The following GAS2 variants were observed in gnomAD, a reference collection of about 807,000 sequenced individuals.
The protein encoded by GAS2 is growth arrest specific 2, also known as growth arrest-specific protein 2.
A neutral mutation model predicts 37.5 loss-of-function variants in GAS2; 20 were observed. That is an observed-to-expected ratio of 0.53 (90% confidence interval 0.37 to 0.77). The LOEUF is 0.77. Ranked by LOEUF, GAS2 falls within the 30% of genes least tolerant of loss-of-function variation. The pLI is 0.00. For synonymous variants in GAS2, 144 were observed against 132.2 expected (o/e 1.09, Z -0.61); for missense variants, 336 against 373.4 (o/e 0.90, Z 0.82).
chr11:22,646,857 CA>C (rs1458886478), intron 1 of GAS2, among the ~76,000 whole-genome samples: 3 of 151,664 alleles, frequency 2.0e-5, no homozygotes, highest in Non-Finnish European at 4.4e-5. Flanking sequence ...CTTTTCTTCT[CA>C]TTTGTGCTTG....
At chr11:22,799,299 G>C (rs1856560697) in intron 7 of GAS2, among the ~76,000 whole-genome samples, 1 of 152,014 alleles carries the variant, frequency 6.6e-6, no homozygotes, top group Admixed American at 6.6e-5. Flanking sequence ...AGCATTAAAA[G>C]ACAGAAAAGG....
intron 7 of GAS2, among the ~76,000 whole-genome samples, chr11:22,807,551 C>T (rs1456003972): frequency 6.6e-6 from 1 of 152,172 alleles, no homozygotes; most frequent in African/African-American, 2.4e-5. Flanking sequence ...AAACACCTCT[C>T]CAGTTACTGC....
intron 3 of GAS2, 97 bp from the exon 4 acceptor site, chr11:22,726,195 A>T (rs1382052092): frequency 8.3e-7 from 1 of 1,198,148 alleles, no homozygotes; most frequent in Non-Finnish European, 1.2e-6. Context: ...TATTGGCATG[A>T]GGTAATTCCG....
At chr11:22,660,794 C>T (rs1426557262) in intron 1 of GAS2, among the ~76,000 whole-genome samples, 1 of 152,172 alleles carries the variant, frequency 6.6e-6, no homozygotes, top group Non-Finnish European at 1.5e-5. Flanking sequence ...GGCAATATTC[C>T]TTTATGCTAA....
At chr11:22,776,718 A>G (rs1855279453) in intron 7 of GAS2, among the ~76,000 whole-genome samples, 1 of 152,198 alleles carries the variant, frequency 6.6e-6, no homozygotes, top group Admixed American at 6.5e-5. Context: ...GTTGCCCTGT[A>G]GTTGAAGAGA....
intron 7 of GAS2, among the ~76,000 whole-genome samples, chr11:22,757,734 A>G (rs1205785380): frequency 2.0e-5 from 3 of 152,210 alleles, no homozygotes; most frequent in Non-Finnish European, 4.4e-5. Flanking sequence ...TTTAGCAAAG[A>G]TAAATTTCTG....
chr11:22,674,288 G>A (rs112965055), intron 1 of GAS2, among the ~76,000 whole-genome samples: 3 of 151,786 alleles, frequency 2.0e-5, no homozygotes, highest in Non-Finnish European at 2.9e-5. Context: ...GTCTTTGGGT[G>A]TACCTCTTCC....
intron 1 of GAS2, among the ~76,000 whole-genome samples, chr11:22,631,568 A>G (rs1858745401): frequency 1.3e-5 from 2 of 152,166 alleles, no homozygotes; most frequent in African/African-American, 2.4e-5. Context: ...ATCTGCATCT[A>G]TTGAGATAAT....
chr11:22,751,660 G>A (rs773441453), intron 6 of GAS2, among the ~76,000 whole-genome samples: 1 of 152,004 alleles, frequency 6.6e-6, no homozygotes, highest in Non-Finnish European at 1.5e-5. Context: ...GCCACTTGAA[G>A]CTATTTCTGT....
intron 7 of GAS2, among the ~76,000 whole-genome samples, chr11:22,763,116 T>A (rs1341064870): frequency 2.0e-5 from 3 of 152,166 alleles, no homozygotes; most frequent in African/African-American, 7.2e-5. Flanking sequence ...AGCAAAGGGA[T>A]TTGAAATGTT....
chr11:22,735,087 C>G (rs917909116), intron 4 of GAS2, among the ~76,000 whole-genome samples: 1 of 151,752 alleles, frequency 6.6e-6, no homozygotes, highest in Non-Finnish European at 1.5e-5. Context: ...ACCACCACCA[C>G]ATAACCACAT....
chr11:22,781,429 A>G (rs1299021277), intron 7 of GAS2, among the ~76,000 whole-genome samples: 1 of 152,162 alleles, frequency 6.6e-6, no homozygotes, highest in Non-Finnish European at 1.5e-5. Context: ...TGCAGCTGCC[A>G]CTCAGCCTGA....
chr11:22,751,483 C>T (rs1461011310), intron 6 of GAS2, among the ~76,000 whole-genome samples: 1 of 151,724 alleles, frequency 6.6e-6, no homozygotes, highest in East Asian at 1.9e-4. Flanking sequence ...AGACAAAGAC[C>T]ATATTTTATC....
chr11:22,705,015 T>C (rs577251838), intron 3 of GAS2, among the ~76,000 whole-genome samples: 1 of 152,282 alleles, frequency 6.6e-6, no homozygotes, highest in Admixed American at 6.5e-5. Flanking sequence ...GCTTTTTACA[T>C]GTATTAAATC....
At chr11:22,676,988 T>C (rs1198088383) in intron 2 of GAS2, among the ~76,000 whole-genome samples, 1 of 152,162 alleles carries the variant, frequency 6.6e-6, no homozygotes, top group East Asian at 1.9e-4. Flanking sequence ...AAGCAGTAAA[T>C]AATAACTATT....
At chr11:22,627,679 G>A (rs896393799) in intron 1 of GAS2, among the ~76,000 whole-genome samples, 2 of 151,718 alleles carry the variant, frequency 1.3e-5, no homozygotes, top group African/African-American at 4.8e-5. Context: ...GGAGGTTAAG[G>A]CAGGAGAATA....
intron 3 of GAS2, among the ~76,000 whole-genome samples, chr11:22,704,298 C>A (rs1007225764): frequency 6.6e-6 from 1 of 151,586 alleles, no homozygotes; most frequent in East Asian, 1.9e-4. Flanking sequence ...ATAAAGGGAA[C>A]CAATTTTATT....
chr11:22,766,917 G>A (rs578114767), intron 7 of GAS2, among the ~76,000 whole-genome samples: 5 of 152,072 alleles, frequency 3.3e-5, no homozygotes, highest in African/African-American at 1.2e-4. Flanking sequence ...TTTGCATTTT[G>A]TATCATTTTT....
rs764398009 is a variant in GAS2 at position 22,775,654 on chromosome 11, TTTTG to T, written c.723+19716_723+19719del. ...TTAACATTTTACCACTGTAATGAGT[TTTTG>T]TTTGTTTGTTTGTTATTTAAAAAAA... On this transcript the variant is annotated intron_variant, in intron 7 of 7. Coordinates refer to ENST00000454584, the MANE Select transcript of GAS2 (RefSeq NM_001143830.3). Among the ~76,000 whole-genome samples the T allele has an allele frequency of 1.4e-4, 22 of 152,236 alleles. 1 individual carries two copies. The South Asian group carries it at 3.5e-3, about 24-fold the overall frequency.
Sources: gnomAD v4.1 joint callset for allele counts (sites outside exome capture counted in the v4.1 genomes callset) on GRCh38, gnomAD v4.1.1 for gene constraint, MANE v1.5 for transcripts, NCBI Gene and HGNC (gene_info 2026-07-23, HGNC 2026-07-21) for gene names.